The following AP1AR variants were observed in gnomAD, a reference collection of about 807,000 sequenced individuals.
The protein encoded by AP1AR is adaptor related protein complex 1 associated regulatory protein.
A neutral mutation model predicts 46.3 loss-of-function variants in AP1AR; 29 were observed. The ratio of observed to expected loss-of-function variants is 0.63; its 90% CI spans 0.47 to 0.85. AP1AR has a LOEUF of 0.85. Among genes scored for constraint, AP1AR ranks in the 40% least tolerant of loss-of-function variants. The probability of loss-of-function intolerance (pLI) is 0.00; values close to 1 mark genes in which losing one functional copy is unlikely to be tolerated. For synonymous variants in AP1AR, 122 were observed against 122.9 expected (o/e 0.99, Z 0.05); for missense variants, 357 against 356.3 (o/e 1.00, Z -0.02).
At chr4:112,253,988 A>T (rs1413365338) in intron 2 of AP1AR, among the ~76,000 whole-genome samples, 6 of 152,254 alleles carry the variant, frequency 3.9e-5, no homozygotes, top group Non-Finnish European at 2.9e-5. Context: ...TAATAACTTT[A>T]ACAGTTTTAT....
intron 1 of AP1AR, among the ~76,000 whole-genome samples, chr4:112,239,865 C>T (rs1161164354): frequency 2.0e-5 from 3 of 152,208 alleles, no homozygotes; most frequent in Admixed American, 6.5e-5. Context: ...TCCTGTATCT[C>T]CAGTGTACCA....
At position 112,240,655 on chromosome 4, in the gene AP1AR, ATC is replaced by A. The variant is rs1725453242; in HGVS notation, c.83+8485_83+8486del. Among the ~76,000 whole-genome samples the A allele has an allele frequency of 2.6e-5, 4 of 152,134 alleles. No individual in the cohort carries two copies. The East Asian group carries it at 7.7e-4, about 29-fold the overall frequency. On this transcript the variant is annotated intron_variant, in intron 1 of 9. Coordinates refer to ENST00000274000, the MANE Select transcript of AP1AR (RefSeq NM_018569.6). Reference sequence around the variant, plus strand: ...TTTGGTACCTGCCGCTCCCTGAAACATCTCTTTTATCTGCTTGGAGGCCTGGC... The same window carrying A: ...TTTGGTACCTGCCGCTCCCTGAAACATCTTTTATCTGCTTGGAGGCCTGGC...
chr4:112,270,231 T>C lies in AP1AR; in HGVS notation c.*1822T>C, dbSNP rs1041979302. On this transcript the variant is annotated 3_prime_UTR_variant, in exon 10 of 10. Coordinates refer to ENST00000274000, the MANE Select transcript of AP1AR (RefSeq NM_018569.6). ...AAGTTAACGTTTTGTTTTGTGTTTATAAAAAGTACTAGAAATAACTTATTC... is the reference window on the plus strand; with the variant it reads ...AAGTTAACGTTTTGTTTTGTGTTTACAAAAAGTACTAGAAATAACTTATTC... 1.1e-4 allele frequency among the ~76,000 whole-genome samples: 16 copies of C among 152,216 alleles called. No individual in the cohort carries two copies. The highest frequency in any genetic ancestry group is 2.1e-4 in the Non-Finnish European group (14 of 68,028).
At chr4:112,261,071 T>C (rs1024579654) in intron 5 of AP1AR, among the ~76,000 whole-genome samples, 1 of 152,184 alleles carries the variant, frequency 6.6e-6, no homozygotes, top group Non-Finnish European at 1.5e-5. Context: ...AAAATGGAGA[T>C]AGTACATTCT....
rs992360582 is a variant in AP1AR at position 112,232,193 on chromosome 4, G to C, written c.83+19G>C. 5 of 1,266,708 alleles carry C rather than the reference G, an allele frequency of 3.9e-6. No individual in the cohort carries two copies. Among genetic ancestry groups the C allele is most frequent in the Non-Finnish European group, 5.0e-6 (5 of 999,080 alleles). The allele number at this position is 1,266,708 out of a possible 1,614,324, so 78.5% of individuals were successfully genotyped here. ...GCGGAGGGTAAGCCCGCTGGGGGAGGGGCCCGGCCCCCGTGGCTCCTCCTC... is the reference window on the plus strand; with the variant it reads ...GCGGAGGGTAAGCCCGCTGGGGGAGCGGCCCGGCCCCCGTGGCTCCTCCTC... On this transcript the variant is annotated intron_variant, in intron 1 of 9. Coordinates refer to ENST00000274000, the MANE Select transcript of AP1AR (RefSeq NM_018569.6).
At chr4:112,249,340 A>C in intron 1 of AP1AR, among the ~76,000 whole-genome samples, 1 of 132,294 alleles carries the variant, frequency 7.6e-6, no homozygotes. Flanking sequence ...ATCCTCACTT[A>C]CTCTAAGGTA....
chr4:112,264,402 C>T (rs757689396), intron 6 of AP1AR, among the ~76,000 whole-genome samples: 1 of 152,094 alleles, frequency 6.6e-6, no homozygotes, highest in Non-Finnish European at 1.5e-5. Flanking sequence ...CTGACACCCA[C>T]CAAGTCATTT....
At chr4:112,254,468 A>C (rs955403086) in intron 2 of AP1AR, among the ~76,000 whole-genome samples, 1 of 152,200 alleles carries the variant, frequency 6.6e-6, no homozygotes, top group Non-Finnish European at 1.5e-5. Context: ...AATTCAGATG[A>C]AAGTTTTAGT....
rs946793508 is a variant in AP1AR, at chr4:112,249,673, T to C, written c.84-3535T>C. On this transcript the variant is annotated intron_variant, in intron 1 of 9. Coordinates refer to ENST00000274000, the MANE Select transcript of AP1AR (RefSeq NM_018569.6). ...GTCTCAAAAAAGAAATATATATATA[T>C]ATAATTTTTTATAGATTTAGGGGGT... Among the ~76,000 whole-genome samples the C allele has an allele frequency of 2.0e-5, 3 of 151,872 alleles. No homozygotes were observed. The South Asian group carries it at 6.2e-4, about 31-fold the overall frequency.
chr4:112,266,750 T>C, intron 9 of AP1AR, 34 bp downstream of exon 9: 1 of 1,576,116 alleles, frequency 6.3e-7, no homozygotes, highest in Non-Finnish European at 8.6e-7. Flanking sequence ...CCTGAAAAAT[T>C]TAACGTAATC....
At chr4:112,254,930 CT>C in intron 3 of AP1AR, 157 bp downstream of exon 3, 1 of 397,386 alleles carries the variant, frequency 2.5e-6, no homozygotes, top group Middle Eastern at 6.8e-4. Flanking sequence ...TTATTTCCTT[CT>C]TTTACTAATT....
At chr4:112,253,111 A>T in intron 1 of AP1AR, 97 bp from the exon 2 acceptor site, 2 of 849,254 alleles carry the variant, frequency 2.4e-6, no homozygotes, top group Non-Finnish European at 3.6e-6. Context: ...TAGAGATTTT[A>T]AAGTTGCTCT....
At chr4:112,250,941 C>T (rs1240516609) in intron 1 of AP1AR, among the ~76,000 whole-genome samples, 2 of 151,968 alleles carry the variant, frequency 1.3e-5, no homozygotes, top group Non-Finnish European at 2.9e-5. Flanking sequence ...GGACAGAAGC[C>T]CAATTAAAAC....
rs997117299 is a variant in AP1AR at position 112,272,935 on chromosome 4, A to G, written c.*4526A>G. 6.6e-6 allele frequency: 1 copy of G among 152,092 alleles called. No homozygotes were observed. Among genetic ancestry groups the G allele is most frequent in the Non-Finnish European group, 1.5e-5 (1 of 67,998 alleles). The allele number at this position is 152,092 out of a possible 1,614,324, so 9.4% of individuals were successfully genotyped here. A position where few individuals can be genotyped will look rare whatever the true frequency, so the allele number is the denominator to read the frequency against. Reference sequence around the variant, plus strand: ...TAATCATAATTTCTTGAGAATACAGACATCTAAAAAAGATTTTATGTTAAA... The same window carrying G: ...TAATCATAATTTCTTGAGAATACAGGCATCTAAAAAAGATTTTATGTTAAA... On this transcript the variant is annotated 3_prime_UTR_variant, in exon 10 of 10. Coordinates refer to ENST00000274000, the MANE Select transcript of AP1AR (RefSeq NM_018569.6).
At chr4:112,237,756 G>A (rs1006561911) in intron 1 of AP1AR, among the ~76,000 whole-genome samples, 11 of 152,154 alleles carry the variant, frequency 7.2e-5, no homozygotes, top group African/African-American at 2.7e-4. Context: ...ACTGCGCCTG[G>A]CCTCTGTGAT....
Position 112,232,154 on chromosome 4 carries a change from G to A in AP1AR, c.63G>A (p.Gln21=). Residue 21 remains glutamine, a synonymous_variant, in exon 1 of 10, where the codon CAG becomes CAA. Coordinates refer to ENST00000274000, the MANE Select transcript of AP1AR (RefSeq NM_018569.6). ...GLLRKEAGRL[Q]RVGGGGGSKY... ...TTCGCAAGGAAGCGGGGCGGCTGCA[G>A]CGAGTAGGCGGCGGCGGAGGGTAAG... is the stretch of plus-strand genomic sequence containing the variant. 5 of 1,283,978 alleles carry A rather than the reference G, an allele frequency of 3.9e-6. No homozygotes were observed. The highest frequency in any genetic ancestry group is 4.0e-6 in the Non-Finnish European group (4 of 1,006,544). The allele number at this position is 1,283,978 out of a possible 1,614,324, so 79.5% of individuals were successfully genotyped here. A position where few individuals can be genotyped will look rare whatever the true frequency, so the allele number is the denominator to read the frequency against.
At chr4:112,252,672 A>G (rs1447309580) in intron 1 of AP1AR, among the ~76,000 whole-genome samples, 1 of 152,234 alleles carries the variant, frequency 6.6e-6, no homozygotes, top group Non-Finnish European at 1.5e-5. Context: ...TGACATGTAT[A>G]TGCATTGTTT....
At chr4:112,247,407 G>T (rs983321143) in intron 1 of AP1AR, among the ~76,000 whole-genome samples, 3 of 152,230 alleles carry the variant, frequency 2.0e-5, no homozygotes, top group Admixed American at 6.5e-5. Flanking sequence ...TAACGTTGTA[G>T]TTTCGAATTT....
intron 1 of AP1AR, among the ~76,000 whole-genome samples, chr4:112,239,424 T>C (rs1453160752): frequency 1.3e-5 from 2 of 152,190 alleles, no homozygotes; most frequent in Non-Finnish European, 2.9e-5. Context: ...CTCTGCATAT[T>C]CATTTTCTTC....
Sources: gnomAD v4.1 joint callset for allele counts (sites outside exome capture counted in the v4.1 genomes callset) on GRCh38, gnomAD v4.1.1 for gene constraint, MANE v1.5 for transcripts, NCBI Gene and HGNC (gene_info 2026-07-23, HGNC 2026-07-21) for gene names.